Variants in SLC25A30 observed in about 807,000 individuals in gnomAD.
The protein encoded by SLC25A30 is solute carrier family 25 member 30.
Under a neutral mutation model 42.7 loss-of-function variants are expected in SLC25A30, and 29 were observed. That is an observed-to-expected ratio of 0.68 (90% CI 0.51 to 0.93). The LOEUF (loss-of-function observed/expected upper bound fraction) is 0.93. Among genes scored for constraint, SLC25A30 ranks in the 40% least tolerant of loss-of-function variants. The pLI, the probability that SLC25A30 is intolerant of heterozygous loss-of-function variation, is 0.00. For missense variants in SLC25A30, 300 were observed against 359.7 expected (o/e 0.83, Z 1.34); for synonymous variants, 124 against 131.0 (o/e 0.95, Z 0.37).
At chr13:45,426,331 C>A in the SLC25A30 span, among the ~76,000 whole-genome samples, 3 of 151,332 alleles carry the variant, frequency 2.0e-5, no homozygotes, top group Non-Finnish European at 4.4e-5. Context: ...GTGATCCACC[C>A]GCCCTGGCCT....
chr13:45,424,993 TAA>T, the SLC25A30 span, among the ~76,000 whole-genome samples: 2 of 44,560 alleles, frequency 4.5e-5, 1 homozygote, highest in African/African-American at 2.4e-4. Flanking sequence ...AAAATATATA[TAA>T]ATATATAAAT....
In SLC25A30 at chr13:45,402,340, G is replaced by A. The variant is rs1882074211; in HGVS notation, c.424C>T (p.Gln142Ter). ...ATGAAGTTGCCTATCATTCCTCCTT[G>A]AATGGTGTTGCTTTGCGCTTGCATC... is the stretch of plus-strand genomic sequence containing the variant. ...IRMQAQSNTIQGGMIGNFMNI... is the reference protein window; with the variant it reads ...IRMQAQSNTI The change falls in exon 6 of 10, where the codon CAA becomes TAA. Residue 142 changes from glutamine (Q) to a stop codon, truncating the protein, a stop_gained. Transcript: ENST00000519676. LOFTEE classifies it high-confidence loss of function. The A allele has an allele frequency of 1.2e-6, 2 of 1,614,004 alleles. No homozygotes were observed. Among genetic ancestry groups the A allele is most frequent in the East Asian group, 4.5e-5 (2 of 44,862 alleles).
chr13:45,414,690 G>T (rs1883372344), intron 1 of SLC25A30, among the ~76,000 whole-genome samples: 1 of 150,432 alleles, frequency 6.6e-6, no homozygotes, highest in South Asian at 2.1e-4. Context: ...TTCTAGTTAG[G>T]ACTGGAATAA....
the SLC25A30 span, among the ~76,000 whole-genome samples, chr13:45,423,902 TAAG>T: frequency 1.2e-5 from 1 of 86,350 alleles, no homozygotes; most frequent in Non-Finnish European, 2.0e-5. Flanking sequence ...TAAATATATA[TAAG>T]AATATATAAA....
intron 7 of SLC25A30, among the ~76,000 whole-genome samples, chr13:45,400,748 C>T (rs1203819118): frequency 1.3e-5 from 2 of 152,152 alleles, no homozygotes; most frequent in African/African-American, 2.4e-5. Context: ...CCTCCTGCCT[C>T]GGCCTTCCAA....
At chr13:45,397,025 T>C (rs1881409295) in intron 9 of SLC25A30, 2 of 487,258 alleles carry the variant, frequency 4.1e-6, no homozygotes, top group African/African-American at 2.0e-5. Flanking sequence ...TAACTAAACC[T>C]TTTTAGTAGT....
chr13:45,431,040 T>C, the SLC25A30 span, among the ~76,000 whole-genome samples: 1 of 151,650 alleles, frequency 6.6e-6, no homozygotes, highest in Non-Finnish European at 1.5e-5. Flanking sequence ...GCACGCTTCT[T>C]TTGTTTTTGT....
At chr13:45,430,366 G>C in the SLC25A30 span, among the ~76,000 whole-genome samples, 1 of 151,924 alleles carries the variant, frequency 6.6e-6, no homozygotes, top group Admixed American at 6.6e-5. Flanking sequence ...GGCAAAAGAA[G>C]AAAAGAAATA....
At chr13:45,418,986 C>G (rs1320679915), upstream of SLC25A30, among the ~76,000 whole-genome samples, 1 of 59,964 alleles carries the variant, frequency 1.7e-5, no homozygotes, top group African/African-American at 5.3e-5. Context: ...AAAAAAAAAG[C>G]CAGACCTGGT....
chr13:45,402,650 GA>G (rs1882110275), intron 5 of SLC25A30: 9 of 535,596 alleles, frequency 1.7e-5, no homozygotes, highest in Non-Finnish European at 1.9e-5. Context: ...TGATTTTTGT[GA>G]AAAAAGTCTT....
the SLC25A30 span, among the ~76,000 whole-genome samples, chr13:45,425,552 GTA>G: frequency 3.0e-4 from 14 of 46,252 alleles, 3 homozygotes; most frequent in Non-Finnish European, 5.1e-4. Context: ...ATATATATAA[GTA>G]TATATATAAA....
the SLC25A30 span, among the ~76,000 whole-genome samples, chr13:45,425,611 T>C: frequency 2.0e-5 from 2 of 99,018 alleles, 1 homozygote; most frequent in Non-Finnish European, 4.0e-5. Flanking sequence ...TATATATACA[T>C]ATATAAATAT....
intron 8 of SLC25A30, chr13:45,398,043 C>G (rs901606724): frequency 1.0e-6 from 1 of 985,222 alleles, no homozygotes; most frequent in African/African-American, 1.7e-5. Flanking sequence ...CGATAAGTGT[C>G]TTTGCTTCAT....
chr13:45,394,243 A>ACCCCGC lies in SLC25A30; in HGVS notation c.*1725_*1730dup, dbSNP rs907303363. 1.7e-5 allele frequency: 7 copies of ACCCCGC among 410,960 alleles called. No individual in the cohort carries two copies. Among genetic ancestry groups the ACCCCGC allele is most frequent in the South Asian group, 2.1e-4 (2 of 9,376 alleles). 25.5% of individuals were successfully genotyped at this position (410,960 alleles called of 1,614,324 possible). On this transcript the variant is annotated 3_prime_UTR_variant, in exon 10 of 10. Coordinates refer to ENST00000519676, the MANE Select transcript of SLC25A30 (RefSeq NM_001010875.4). ...TTAACAGGTAACCCTACCCCACTGC[A>ACCCCGC]CCCCGCCCCCGCCCCCACCTTCTGT... is the stretch of plus-strand genomic sequence containing the variant.
chr13:45,426,737 A>G, the SLC25A30 span, among the ~76,000 whole-genome samples: 2 of 152,168 alleles, frequency 1.3e-5, no homozygotes, highest in Admixed American at 1.3e-4. Context: ...TAATACAATC[A>G]GTACAATGTA....
the SLC25A30 span, among the ~76,000 whole-genome samples, chr13:45,428,495 C>T: frequency 6.7e-6 from 1 of 150,208 alleles, no homozygotes; most frequent in South Asian, 2.1e-4. Flanking sequence ...GCATGAGCCA[C>T]CAAGCCCAGC....
intron 1 of SLC25A30, among the ~76,000 whole-genome samples, chr13:45,414,334 G>A (rs1257567331): frequency 6.6e-6 from 1 of 152,038 alleles, no homozygotes; most frequent in African/African-American, 2.4e-5. Flanking sequence ...ATAAGGAAAA[G>A]GGGGCGGGCG....
chr13:45,402,467 C>CTAATGG, intron 5 of SLC25A30, 97 bp from the exon 6 acceptor site: 1 of 990,438 alleles, frequency 1.0e-6, no homozygotes, highest in Non-Finnish European at 1.6e-6. Context: ...CAGTCAGTTG[C>CTAATGG]TTAATAACCA....
Position 45,405,935 on chromosome 13 carries a change from G to A in SLC25A30, c.255C>T (p.Ile85=). Residue 85 remains isoleucine, a synonymous_variant, in exon 4 of 10, where the codon ATC becomes ATT. Transcript: ENST00000519676. ...TCAAGCTCTGGTAAGTGCCTATCTT[G>A]ATGGTGCCATAGGATGCCTGGCGTA... is the stretch of plus-strand genomic sequence containing the variant. ...AMLRQASYGT[I]KIGTYQSLKR... The A allele has an allele frequency of 6.2e-7, 1 of 1,614,226 alleles. No homozygotes were observed.
Sources: gnomAD v4.1 joint callset for allele counts (sites outside exome capture counted in the v4.1 genomes callset) on GRCh38, gnomAD v4.1.1 for gene constraint, MANE v1.5 for transcripts, NCBI Gene and HGNC (gene_info 2026-07-23, HGNC 2026-07-21) for gene names.